CSMD2: variants seen among roughly 807,000 people sequenced by gnomAD.
CSMD2 encodes the protein CUB and Sushi multiple domains 2.
A neutral mutation model predicts 398.5 loss-of-function variants in CSMD2; 130 were observed. The observed-to-expected ratio is 0.33, with a 90% CI of 0.28 to 0.38. CSMD2 has a LOEUF of 0.38. CSMD2 is among the 10% of genes least tolerant of loss of function. CSMD2 has a pLI of 1.00. For missense variants in CSMD2, 3,829 were observed against 4,764.9 expected (o/e 0.80, Z 5.78); for synonymous variants, 1,828 against 1,908.5 (o/e 0.96, Z 1.10).
At chr1:33,759,265 G>A (rs551286666) in intron 13 of CSMD2, among the ~76,000 whole-genome samples, 1 of 151,804 alleles carries the variant, frequency 6.6e-6, no homozygotes, top group East Asian at 1.9e-4. Flanking sequence ...ATGGGATGAG[G>A]GGGAGAGAGG....
intron 5 of CSMD2, among the ~76,000 whole-genome samples, chr1:33,877,740 C>T (rs1421204813): frequency 6.6e-6 from 1 of 152,026 alleles, no homozygotes; most frequent in Admixed American, 6.5e-5. Flanking sequence ...GAAAAGAATA[C>T]TTTTCCCTAT....
rs992705846 is a variant in CSMD2 at position 33,881,837 on chromosome 1, ATTT to A, written c.921-34844_921-34842del. The stretch of plus-strand genomic sequence containing the variant: ...ACTACATATTCAGTTTTGTATATTA[ATTT>A]TTTAACTTAATATCCTATATTAAGC... On this transcript the variant is annotated intron_variant, in intron 5 of 70. Transcript: ENST00000373381. Among the ~76,000 whole-genome samples, 4 of 152,172 alleles carry A rather than the reference ATTT, an allele frequency of 2.6e-5. No homozygotes were observed. In the East Asian group the frequency reaches 5.8e-4, roughly 22 times the overall value.
chr1:34,105,044 C>T (rs1056050515), intron 1 of CSMD2, among the ~76,000 whole-genome samples: 8 of 152,216 alleles, frequency 5.3e-5, no homozygotes, highest in Non-Finnish European at 8.8e-5. Context: ...AGTTACTCTT[C>T]GCTCTCCGCT....
Position 33,709,156 on chromosome 1 carries a change from G to A in CSMD2, c.3509C>T (p.Thr1170Ile). The A allele has an allele frequency of 6.2e-7, 1 of 1,614,138 alleles. No individual in the cohort carries two copies. The highest frequency in any genetic ancestry group is 1.1e-5 in the South Asian group (1 of 91,088). The change falls in exon 22 of 71, where the codon ACC becomes ATC. Residue 1170 changes from threonine to isoleucine, a missense_variant. By Grantham distance (89) the Thr-to-Ile change is moderately conservative. Transcript: ENST00000373381. ...CAGCTGAATTCCCTTCCCTGGCTGG[G>A]TCTGGATGGAGTAGATGCATTCATG... Reference protein sequence around the residue: ...NNHECIYSIQTQPGKGIQLKA... With the variant: ...NNHECIYSIQIQPGKGIQLKA...
At chr1:33,935,198 A>C (rs984765284) in intron 4 of CSMD2, among the ~76,000 whole-genome samples, 1 of 152,088 alleles carries the variant, frequency 6.6e-6, no homozygotes, top group Non-Finnish European at 1.5e-5. Context: ...GGTCTTGGGC[A>C]AATATGAACA....
chr1:33,724,939 G>T (rs940680233), intron 17 of CSMD2, among the ~76,000 whole-genome samples: 1 of 152,220 alleles, frequency 6.6e-6, no homozygotes, highest in Non-Finnish European at 1.5e-5. Context: ...AGCTTTCTAT[G>T]TTGGTCTACA....
At chr1:33,867,122 T>C (rs1558027563) in intron 5 of CSMD2, among the ~76,000 whole-genome samples, 1 of 152,248 alleles carries the variant, frequency 6.6e-6, no homozygotes, top group Non-Finnish European at 1.5e-5. Flanking sequence ...TCTGTGATTA[T>C]GTGATGATAA....
intron 3 of CSMD2, among the ~76,000 whole-genome samples, chr1:34,029,207 T>C (rs945488291): frequency 1.3e-5 from 2 of 152,178 alleles, no homozygotes; most frequent in Non-Finnish European, 2.9e-5. Flanking sequence ...TCATTCTCCC[T>C]GCTTGCCACC....
intron 22 of CSMD2, 37 bp from the exon 23 acceptor site, chr1:33,700,710 G>T: frequency 6.2e-7 from 1 of 1,610,810 alleles, no homozygotes; most frequent in Non-Finnish European, 8.5e-7. Context: ...AATGTCGTCA[G>T]CATGGCCTTA....
chr1:34,125,896 G>A (rs895491783), intron 1 of CSMD2, among the ~76,000 whole-genome samples: 3 of 152,172 alleles, frequency 2.0e-5, no homozygotes, highest in Non-Finnish European at 4.4e-5. Context: ...GGGCTTTTGA[G>A]GGGGAGATCT....
intron 5 of CSMD2, among the ~76,000 whole-genome samples, chr1:33,879,709 T>C (rs1166567388): frequency 6.6e-6 from 1 of 152,210 alleles, no homozygotes; most frequent in African/African-American, 2.4e-5. Context: ...AAGAAAGAAC[T>C]GGCTTTGAAT....
At chr1:33,555,682 C>T (rs994447763) in intron 55 of CSMD2, among the ~76,000 whole-genome samples, 1 of 152,172 alleles carries the variant, frequency 6.6e-6, no homozygotes, top group African/African-American at 2.4e-5. Context: ...AAAGTCTCCA[C>T]CAGCGAAGAG....
At chr1:33,594,403 G>A (rs2148779195) in intron 44 of CSMD2, among the ~76,000 whole-genome samples, 1 of 152,216 alleles carries the variant, frequency 6.6e-6, no homozygotes, top group Middle Eastern at 3.4e-3. Context: ...CCTGAGAATT[G>A]TCTGATTTTG....
intron 44 of CSMD2, chr1:33,592,355 A>G (rs1043426104): frequency 2.8e-6 from 2 of 715,116 alleles, no homozygotes; most frequent in Admixed American, 4.0e-5. Context: ...TCCTATTTCA[A>G]CTTCCCAAGA....
chr1:33,715,949 G>A (rs1646153640), intron 20 of CSMD2, among the ~76,000 whole-genome samples: 1 of 151,734 alleles, frequency 6.6e-6, no homozygotes, highest in Admixed American at 6.6e-5. Context: ...ATGTGGAAGT[G>A]GAATCAGAAG....
At chr1:33,929,893 T>C (rs1234084648) in intron 4 of CSMD2, among the ~76,000 whole-genome samples, 1 of 152,204 alleles carries the variant, frequency 6.6e-6, no homozygotes. Context: ...GTCACAGGAC[T>C]CATTTCAGAG....
At position 33,537,489 on chromosome 1, in the gene CSMD2, C is replaced by A; in HGVS notation, c.9752G>T (p.Arg3251Leu). ...TGTCCCATCTGACTGGCAAAACCTG[C>A]GTGGAGAGCCCACCAGCACCAGAGG... ...HPPLVLVGSP[R>L]RFCQSDGTWS... Residue 3251 changes from arginine to leucine, a missense_variant, in exon 61 of 71, where the codon CGC (arginine) becomes CTC (leucine). Arg to Leu is a moderately radical substitution (Grantham distance 102). This residue lies in a region of CSMD2 where 917 missense variants were observed against 1,199.5 expected (regional missense o/e 0.76). Transcript: ENST00000373381. The surrounding 1 kb of genome is among the most constrained non-coding windows in gnomAD (Gnocchi z 4.6). The A allele has an allele frequency of 6.2e-7, 1 of 1,614,156 alleles. No homozygotes were observed.
intron 13 of CSMD2, among the ~76,000 whole-genome samples, chr1:33,770,938 C>T (rs888329049): frequency 6.6e-6 from 1 of 152,222 alleles, no homozygotes; most frequent in African/African-American, 2.4e-5. Flanking sequence ...TATAAACCTG[C>T]TCCTAAGAGC....
chr1:34,108,533 G>A (rs1187526951), intron 1 of CSMD2, among the ~76,000 whole-genome samples: 2 of 152,218 alleles, frequency 1.3e-5, no homozygotes, highest in Non-Finnish European at 2.9e-5. Flanking sequence ...AACCGTAAAT[G>A]TCCTCAGGGG....
Sources: gnomAD v4.1 joint callset for allele counts (sites outside exome capture counted in the v4.1 genomes callset) on GRCh38, gnomAD v4.1.1 for gene constraint, gnomAD v4.1.1 regional missense constraint, Gnocchi (gnomAD v3.1) non-coding constraint, MANE v1.5 for transcripts, NCBI Gene and HGNC (gene_info 2026-07-23, HGNC 2026-07-21) for gene names.